Variants in TDRD15 observed in about 807,000 individuals in gnomAD.
The protein encoded by TDRD15 is tudor domain-containing protein 15.
For missense variants in TDRD15, 1,416 were observed against 904.7 expected (o/e 1.57, Z -7.25); for synonymous variants, 503 against 314.5 (o/e 1.60, Z -6.34).
chr2:21,128,815 A>G (rs1031958124), intron 2 of TDRD15, among the ~76,000 whole-genome samples: 1 of 144,596 alleles, frequency 6.9e-6, no homozygotes, highest in Non-Finnish European at 1.5e-5. Flanking sequence ...TTTTTTCTTC[A>G]CTGTCAGAGA....
intron 2 of TDRD15, among the ~76,000 whole-genome samples, chr2:21,130,781 A>G (rs1246852845): frequency 6.6e-6 from 1 of 152,344 alleles, no homozygotes; most frequent in East Asian, 1.9e-4. Context: ...ATGGCACCAA[A>G]CTATTGGTAG....
At position 21,143,280 on chromosome 2, in the gene TDRD15, A is replaced by G. The variant is rs115419915; in HGVS notation, c.*8A>G. 926 of 557,692 alleles carry G rather than the reference A, an allele frequency of 1.7e-3. 5 individuals are homozygous for G. Among genetic ancestry groups the G allele is most frequent in the African/African-American group, 0.016 (848 of 51,770 alleles). 34.5% of individuals were successfully genotyped at this position (557,692 alleles called of 1,614,324 possible). A position where few individuals can be genotyped will look rare whatever the true frequency, so the allele number is the denominator to read the frequency against. ...GCTAAAAATCCAATATAAATTACAAAGTAAGCCTATTTTCCCATTGTTAGA... is the reference window on the plus strand; with the variant it reads ...GCTAAAAATCCAATATAAATTACAAGGTAAGCCTATTTTCCCATTGTTAGA... On this transcript the variant is annotated 3_prime_UTR_variant, in exon 4 of 4. Transcript: ENST00000405799.
rs772505766 is a variant in TDRD15 at position 21,139,229 on chromosome 2, G to A, written c.1762G>A (p.Glu588Lys). The A allele has an allele frequency of 1.4e-6, 1 of 715,632 alleles. No homozygotes were observed. The highest frequency in any genetic ancestry group is 2.6e-6 in the Non-Finnish European group (1 of 384,074). The allele number at this position is 715,632 out of a possible 1,614,324, so 44.3% of individuals were successfully genotyped here. A position where few individuals can be genotyped will look rare whatever the true frequency, so the allele number is the denominator to read the frequency against. Residue 588 changes from glutamate (E) to lysine (K), a missense_variant, in exon 4 of 4, where the codon GAG (glutamate) becomes AAG (lysine). Glu to Lys is a moderately conservative substitution (Grantham distance 56). Transcript: ENST00000405799. ...DVKILLPEFC[E>K]LPALAMCCSL... ...AAAAATTTTGCTTCCAGAATTTTGT[G>A]AGTTGCCTGCCTTAGCGATGTGCTG...
chr2:21,133,969 G>A (rs1357413942), intron 2 of TDRD15, among the ~76,000 whole-genome samples: 1 of 151,964 alleles, frequency 6.6e-6, no homozygotes, highest in East Asian at 1.9e-4. Context: ...AGTAGATTAT[G>A]AAAGTTAATT....
intron 1 of TDRD15, among the ~76,000 whole-genome samples, 161 bp downstream of exon 1, chr2:21,124,207 C>G (rs1665533746): frequency 6.6e-6 from 1 of 152,190 alleles, no homozygotes; most frequent in Admixed American, 6.5e-5. Context: ...CTTCTGTTCT[C>G]CCTACCTCTA....
At chr2:21,128,219 T>C (rs561092707) in intron 2 of TDRD15, among the ~76,000 whole-genome samples, 2 of 152,318 alleles carry the variant, frequency 1.3e-5, no homozygotes, top group South Asian at 4.2e-4. Context: ...TCATTCTTCT[T>C]TCCCCCATAC....
At position 21,141,975 on chromosome 2, in the gene TDRD15, A is replaced by ATTT; in HGVS notation, c.4509_4510insTTT (p.Asn1503_Glu1504insPhe). On this transcript the variant is annotated inframe_insertion, in exon 4 of 4. Transcript: ENST00000405799. ...AATGAAATGAAGAAAGGAAAATCAA[A>ATTT]TGAGTCTGAAGGTTCTATGAATTCA... The ATTT allele has an allele frequency of 1.4e-6, 1 of 705,610 alleles. No homozygotes were observed. The highest frequency in any genetic ancestry group is 2.6e-6 in the Non-Finnish European group (1 of 381,020). The allele number at this position is 705,610 out of a possible 1,614,324, so 43.7% of individuals were successfully genotyped here.
At chr2:21,145,443 C>T (rs975892185), downstream of TDRD15, among the ~76,000 whole-genome samples, 2 of 151,824 alleles carry the variant, frequency 1.3e-5, no homozygotes, top group Non-Finnish European at 2.9e-5. Context: ...TTTTGGCCAT[C>T]AAATTCTTTA....
At chr2:21,124,243 C>T (rs533833279) in intron 1 of TDRD15, among the ~76,000 whole-genome samples, 197 bp downstream of exon 1, 1 of 152,162 alleles carries the variant, frequency 6.6e-6, no homozygotes, top group Non-Finnish European at 1.5e-5. Context: ...CAGATTCAGC[C>T]CTCCCACCCG....
chr2:21,126,057 A>G (rs566570938), intron 1 of TDRD15, among the ~76,000 whole-genome samples: 2 of 152,136 alleles, frequency 1.3e-5, no homozygotes, highest in Non-Finnish European at 2.9e-5. Context: ...TTAGTGAAGT[A>G]TATCTGAGAT....
intron 1 of TDRD15, among the ~76,000 whole-genome samples, chr2:21,126,947 AC>A (rs1283122736): frequency 6.6e-6 from 1 of 152,170 alleles, no homozygotes; most frequent in Non-Finnish European, 1.5e-5. Context: ...GAAGTCTGTG[AC>A]CTTTGCAGTT....
At chr2:21,128,125 A>G (rs1364534444) in intron 2 of TDRD15, among the ~76,000 whole-genome samples, 2 of 152,064 alleles carry the variant, frequency 1.3e-5, no homozygotes, top group Non-Finnish European at 2.9e-5. Flanking sequence ...GAACCTATGA[A>G]CTTTCATTCT....
In TDRD15 at chr2:21,140,905, T is replaced by C. The variant is rs1665909999; in HGVS notation, c.3438T>C (p.His1146=). The change falls in exon 4 of 4, where the codon CAT becomes CAC. Residue 1146 remains histidine, a synonymous_variant. Transcript: ENST00000405799. ...KVLLHAYGKR[H]CDQACCMEKS... ...TGCTTCATGCTTATGGAAAAAGACA[T>C]TGTGACCAAGCATGCTGCATGGAAA... 2.8e-6 allele frequency: 2 copies of C among 708,284 alleles called. No homozygotes were observed. The highest frequency in any genetic ancestry group is 3.5e-5 in the African/African-American group (2 of 56,560). The allele number at this position is 708,284 out of a possible 1,614,324, so 43.9% of individuals were successfully genotyped here.
downstream of TDRD15, among the ~76,000 whole-genome samples, chr2:21,144,390 TCATAACAGG>T (rs1665999619): frequency 6.6e-6 from 1 of 151,918 alleles, no homozygotes; most frequent in Admixed American, 6.6e-5. Context: ...ATAACTAATG[TCATAACAGG>T]CTATACTCTT....
At chr2:21,134,424 T>C (rs907442082) in intron 2 of TDRD15, among the ~76,000 whole-genome samples, 1 of 152,000 alleles carries the variant, frequency 6.6e-6, no homozygotes, top group Non-Finnish European at 1.5e-5. Context: ...CCCATATTTT[T>C]GTTTGACTCT....
chr2:21,140,769 A>G lies in TDRD15; in HGVS notation c.3302A>G (p.Asn1101Ser), dbSNP rs192932695. Residue 1101 changes from asparagine to serine, a missense_variant, in exon 4 of 4, where the codon AAT becomes AGT. Transcript: ENST00000405799. ...GAAATCAGTAGTTGGTTTAAAGACA[A>G]TTTCTTGGGAAGATCATTAAAGGCG... ...PAEISSWFKD[N>S]FLGRSLKAII... is the part of the protein sequence containing the mutation. 22 of 715,006 alleles carry G rather than the reference A, an allele frequency of 3.1e-5. No homozygotes were observed. The highest frequency in any genetic ancestry group is 5.0e-5 in the Non-Finnish European group (19 of 383,528). 44.3% of individuals were successfully genotyped at this position (715,006 alleles called of 1,614,324 possible).
rs1234997670 is a variant in TDRD15 at position 21,141,967 on chromosome 2, A to G, written c.4500A>G (p.Gly1500=). 7.1e-6 allele frequency: 5 copies of G among 706,016 alleles called. No homozygotes were observed. The Admixed American group carries it at 1.1e-4, about 15-fold the overall frequency. The allele number at this position is 706,016 out of a possible 1,614,324, so 43.7% of individuals were successfully genotyped here. A position where few individuals can be genotyped will look rare whatever the true frequency, so the allele number is the denominator to read the frequency against. ...CAGGTGATAATGAAATGAAGAAAGG[A>G]AAATCAAATGAGTCTGAAGGTTCTA... ...VRPGDNEMKK[G]KSNESEGSMN... Residue 1500 remains glycine (G), a synonymous_variant, in exon 4 of 4, where the codon GGA becomes GGG. Transcript: ENST00000405799.
Position 21,141,955 on chromosome 2 carries a change from A to G in TDRD15, c.4488A>G (p.Glu1496=). The G allele has an allele frequency of 1.4e-6, 1 of 707,934 alleles. No homozygotes were observed. The highest frequency in any genetic ancestry group is 2.6e-6 in the Non-Finnish European group (1 of 381,746). The allele number at this position is 707,934 out of a possible 1,614,324, so 43.9% of individuals were successfully genotyped here. A position where few individuals can be genotyped will look rare whatever the true frequency, so the allele number is the denominator to read the frequency against. The change falls in exon 4 of 4, where the codon GAA becomes GAG. Residue 1496 remains glutamate (E), a synonymous_variant. Transcript: ENST00000405799. The stretch of plus-strand genomic sequence containing the variant: ...AAAAGGTGAGGCCAGGTGATAATGA[A>G]ATGAAGAAAGGAAAATCAAATGAGT... ...LSQKVRPGDN[E]MKKGKSNESE...
At position 21,139,779 on chromosome 2, in the gene TDRD15, T is replaced by G; in HGVS notation, c.2312T>G (p.Phe771Cys). The stretch of plus-strand genomic sequence containing the variant: ...TCCTGTTATTATGGCCCAGGTGACT[T>G]TTCATGCCAGCTCCAATGTAAGTCA... The part of the protein sequence containing the change: ...KCSCYYGPGD[F>C]SCQLQCKSED... Residue 771 changes from phenylalanine to cysteine, a missense_variant, in exon 4 of 4, where the codon TTT (phenylalanine) becomes TGT (cysteine). Coordinates refer to ENST00000405799, the MANE Select transcript of TDRD15 (RefSeq NM_001306137.2). The G allele has an allele frequency of 1.4e-6, 1 of 715,446 alleles. No individual in the cohort carries two copies. Among genetic ancestry groups the G allele is most frequent in the Non-Finnish European group, 2.6e-6 (1 of 384,022 alleles). 44.3% of individuals were successfully genotyped at this position (715,446 alleles called of 1,614,324 possible). A position where few individuals can be genotyped will look rare whatever the true frequency, so the allele number is the denominator to read the frequency against.
Sources: allele counts gnomAD v4.1 joint callset (sites outside exome capture counted in the v4.1 genomes callset), GRCh38; gene constraint gnomAD v4.1.1; transcripts MANE v1.5; gene names NCBI Gene and HGNC (gene_info 2026-07-23, HGNC 2026-07-21).